MTSS1: variants seen among roughly 807,000 people sequenced by gnomAD.
MTSS1 encodes the protein MTSS I-BAR domain containing 1.
Under a neutral mutation model 79.0 loss-of-function variants are expected in MTSS1, and 18 were observed. The ratio of observed to expected loss-of-function variants is 0.23; its 90% CI spans 0.16 to 0.34. The LOEUF is 0.34. Among genes scored for constraint, MTSS1 ranks in the 10% least tolerant of loss-of-function variants. MTSS1 has a pLI of 1.00. For synonymous variants in MTSS1, 341 were observed against 368.6 expected (o/e 0.93, Z 0.86); for missense variants, 815 against 986.2 (o/e 0.83, Z 2.33).
intron 1 of MTSS1, among the ~76,000 whole-genome samples, chr8:124,706,353 T>C (rs1201327005): frequency 1.3e-5 from 2 of 152,216 alleles, no homozygotes; most frequent in South Asian, 4.1e-4. Flanking sequence ...GGGTCATGTA[T>C]CATTTTAATG....
chr8:124,583,517 A>G (rs77573774), intron 6 of MTSS1, among the ~76,000 whole-genome samples: 41 of 152,362 alleles, frequency 2.7e-4, no homozygotes, highest in Non-Finnish European at 5.3e-4. Context: ...TTTGAGTGAC[A>G]GAGGACAACC....
chr8:124,651,415 A>G (rs971903811), intron 3 of MTSS1, among the ~76,000 whole-genome samples: 1 of 150,766 alleles, frequency 6.6e-6, no homozygotes, highest in African/African-American at 2.4e-5. Flanking sequence ...TTACTGCTCT[A>G]CCTACCTATG....
intron 1 of MTSS1, among the ~76,000 whole-genome samples, chr8:124,723,308 G>T (rs955405741): frequency 6.6e-6 from 1 of 152,208 alleles, no homozygotes; most frequent in South Asian, 2.1e-4. Context: ...ATGAGTATAT[G>T]TTACTCTAGT....
intron 3 of MTSS1, among the ~76,000 whole-genome samples, chr8:124,603,807 A>C (rs962658687): frequency 9.8e-5 from 15 of 152,370 alleles, no homozygotes; most frequent in Admixed American, 7.8e-4. Flanking sequence ...ACCTTATGTT[A>C]GCCTTGAAAA....
chr8:124,700,198 CAG>C lies in MTSS1; in HGVS notation c.135-601_135-600del, dbSNP rs1458151523. ...GGCAAAGTTTTATACAGGAGGAAAA[CAG>C]AGGCATTTCTACCTAAAAGGAAAAA... is the stretch of plus-strand genomic sequence containing the variant. On this transcript the variant is annotated intron_variant, in intron 2 of 13. Coordinates refer to ENST00000518547, the MANE Select transcript of MTSS1 (RefSeq NM_014751.6). Among the ~76,000 whole-genome samples, 5 of 150,362 alleles carry C rather than the reference CAG, an allele frequency of 3.3e-5. No homozygotes were observed. The South Asian group carries it at 8.4e-4, about 25-fold the overall frequency.
At chr8:124,663,956 C>T (rs1413004517) in intron 3 of MTSS1, among the ~76,000 whole-genome samples, 2 of 152,138 alleles carry the variant, frequency 1.3e-5, no homozygotes, top group African/African-American at 4.8e-5. Flanking sequence ...GTCTAAAAAC[C>T]CGGGATGGAC....
intron 3 of MTSS1, among the ~76,000 whole-genome samples, chr8:124,663,133 C>T (rs1226365408): frequency 1.3e-5 from 2 of 152,174 alleles, no homozygotes; most frequent in East Asian, 3.9e-4. Context: ...TGTACTTAGC[C>T]TGCACTCAGA....
intron 2 of MTSS1, 37 bp downstream of exon 2, chr8:124,704,093 G>A (rs780142709): frequency 5.6e-6 from 9 of 1,594,824 alleles, no homozygotes; most frequent in Middle Eastern, 1.7e-4. Context: ...GTCTGAGGAT[G>A]TTGTCCTTTT....
intron 3 of MTSS1, among the ~76,000 whole-genome samples, chr8:124,684,011 C>T (rs1199956414): frequency 1.3e-5 from 2 of 152,204 alleles, no homozygotes; most frequent in East Asian, 1.9e-4. Flanking sequence ...CAGAGCAGCA[C>T]AACCATTTGG....
chr8:124,722,563 G>T (rs973120539), intron 1 of MTSS1, among the ~76,000 whole-genome samples: 2 of 151,994 alleles, frequency 1.3e-5, no homozygotes, highest in African/African-American at 4.8e-5. Flanking sequence ...GTGACAATGG[G>T]CTTCCTTAAT....
chr8:124,607,760 C>T (rs1002804284), intron 3 of MTSS1, among the ~76,000 whole-genome samples: 4 of 152,132 alleles, frequency 2.6e-5, no homozygotes, highest in Non-Finnish European at 4.4e-5. Flanking sequence ...GGTCTAAAAG[C>T]CTCTTTACTG....
chr8:124,611,189 A>G (rs1442430216), intron 3 of MTSS1, among the ~76,000 whole-genome samples: 1 of 149,974 alleles, frequency 6.7e-6, no homozygotes, highest in Non-Finnish European at 1.5e-5. Flanking sequence ...CTGCCCATCA[A>G]TTATCTTTTG....
intron 3 of MTSS1, among the ~76,000 whole-genome samples, chr8:124,681,695 G>A (rs992471242): frequency 2.6e-5 from 4 of 152,182 alleles, no homozygotes; most frequent in African/African-American, 9.7e-5. Context: ...GGCTGAGGCA[G>A]GAGAATTGCT....
chr8:124,556,340 C>T lies in MTSS1; in HGVS notation c.1296G>A (p.Lys432=). The change falls in exon 12 of 14, where the codon AAG becomes AAA. Residue 432 remains lysine (K), a synonymous_variant. Transcript: ENST00000518547. ...LVNTLQRRKE[K]REPDPNGGGP... ...CTCCCCCGTTGGGGTCCGGTTCTCG[C>T]TTCTCTTTGCGGCGCTGCAGGGTGT... The T allele has an allele frequency of 6.2e-7, 1 of 1,614,210 alleles. No individual in the cohort carries two copies. The highest frequency in any genetic ancestry group is 8.5e-7 in the Non-Finnish European group (1 of 1,180,020).
intron 3 of MTSS1, among the ~76,000 whole-genome samples, chr8:124,643,475 A>T (rs750354259): frequency 3.3e-5 from 5 of 152,228 alleles, no homozygotes; most frequent in Non-Finnish European, 7.4e-5. Flanking sequence ...AGGCAGGCAG[A>T]TCACCTGAGG....
Position 124,557,739 on chromosome 8 carries a change from G to A in MTSS1, c.1172C>T (p.Ala391Val), listed in dbSNP as rs1250881345. Residue 391 changes from alanine (A) to valine (V), a missense_variant, in exon 11 of 14, where the codon GCT becomes GTT. Ala to Val is a moderately conservative substitution (Grantham distance 64, BLOSUM62 0). Coordinates refer to ENST00000518547, the MANE Select transcript of MTSS1 (RefSeq NM_014751.6). ...GCCGGGCCCAATGGTGTAATAATGAGCGTAGTCTGGAAGGTGGACAGAGGT... is the reference window on the plus strand; with the variant it reads ...GCCGGGCCCAATGGTGTAATAATGAACGTAGTCTGGAAGGTGGACAGAGGT... ...RVTSVHLPDY[A>V]HYYTIGPGMF... 6.9e-6 allele frequency: 11 copies of A among 1,601,934 alleles called. No individual in the cohort carries two copies. Among genetic ancestry groups the A allele is most frequent in the Admixed American group, 1.7e-5 (1 of 58,424 alleles).
intron 3 of MTSS1, among the ~76,000 whole-genome samples, chr8:124,603,906 A>G (rs1054948283): frequency 3.3e-5 from 5 of 152,174 alleles, no homozygotes; most frequent in Admixed American, 2.6e-4. Flanking sequence ...TCTGGGCCAC[A>G]TGGAAGAATT....
At chr8:124,642,939 T>A (rs1034058617) in intron 3 of MTSS1, among the ~76,000 whole-genome samples, 1 of 152,174 alleles carries the variant, frequency 6.6e-6, no homozygotes, top group African/African-American at 2.4e-5. Context: ...TTCTCATCTG[T>A]GAAACAGGAG....
intron 3 of MTSS1, among the ~76,000 whole-genome samples, chr8:124,668,710 G>T (rs1490540484): frequency 6.6e-6 from 1 of 152,188 alleles, no homozygotes; most frequent in East Asian, 1.9e-4. Context: ...ACCTCAGTGT[G>T]TTTGGTCACC....
Sources: allele counts gnomAD v4.1 joint callset (sites outside exome capture counted in the v4.1 genomes callset), GRCh38; gene constraint gnomAD v4.1.1; transcripts MANE v1.5; gene names NCBI Gene and HGNC (gene_info 2026-07-23, HGNC 2026-07-21).